Variants in BMPR1B observed in about 807,000 individuals in gnomAD.
BMPR1B encodes bone morphogenetic protein receptor type-1B.
Under a neutral mutation model 59.1 loss-of-function variants are expected in BMPR1B, and 12 were observed. The ratio of observed to expected loss-of-function variants is 0.20; its 90% CI spans 0.13 to 0.33. The LOEUF is 0.33. Ranked by LOEUF, BMPR1B falls within the 10% of genes least tolerant of loss-of-function variation. The pLI is 1.00. For synonymous variants in BMPR1B, 237 were observed against 207.3 expected (o/e 1.14, Z -1.23); for missense variants, 550 against 610.9 (o/e 0.90, Z 1.05).
At chr4:95,135,412 G>C (rs940460361) in intron 10 of BMPR1B, among the ~76,000 whole-genome samples, 46 of 152,234 alleles carry the variant, frequency 3.0e-4, no homozygotes, top group Admixed American at 5.9e-4. Context: ...GTCATTGGTA[G>C]CTTGATGGGG....
At chr4:94,778,062 T>G (rs1289473947) in intron 1 of BMPR1B, among the ~76,000 whole-genome samples, 1 of 152,236 alleles carries the variant, frequency 6.6e-6, no homozygotes, top group South Asian at 2.1e-4. Context: ...ATATATGTTT[T>G]TAAATGAAAT....
At chr4:95,031,600 A>G (rs992207820) in intron 3 of BMPR1B, among the ~76,000 whole-genome samples, 2 of 152,118 alleles carry the variant, frequency 1.3e-5, no homozygotes, top group African/African-American at 2.4e-5. Flanking sequence ...CTGGGACTAC[A>G]GGGACACAAC....
In BMPR1B at chr4:94,964,751, G is replaced by C. The variant is rs538778253; in HGVS notation, c.-112-31289G>C. Among the ~76,000 whole-genome samples the C allele has an allele frequency of 2.3e-4, 35 of 152,262 alleles. 1 individual carries two copies. Among genetic ancestry groups the C allele is most frequent in the Admixed American group, 9.2e-4 (14 of 15,294 alleles). On this transcript the variant is annotated intron_variant, in intron 2 of 12. Transcript: ENST00000515059. ...AACAGGTTAGCAGTGTTTTTCATCA[G>C]GCCCTGCCTGTAGCTGTGGGAAAAC...
intron 3 of BMPR1B, among the ~76,000 whole-genome samples, chr4:95,003,798 C>T (rs1360033064): frequency 9.6e-6 from 1 of 103,658 alleles, no homozygotes; most frequent in East Asian, 3.0e-4. Context: ...GACCAAAGTC[C>T]ATCTTTTTTT....
At chr4:95,108,459 T>C (rs1258976456) in intron 4 of BMPR1B, among the ~76,000 whole-genome samples, 5 of 152,072 alleles carry the variant, frequency 3.3e-5, no homozygotes, top group Admixed American at 3.3e-4. Flanking sequence ...CTGGAGAGAA[T>C]AATCCAAAAG....
At chr4:94,982,778 A>G (rs1721172696) in intron 2 of BMPR1B, among the ~76,000 whole-genome samples, 1 of 151,970 alleles carries the variant, frequency 6.6e-6, no homozygotes, top group South Asian at 2.1e-4. Flanking sequence ...GGATCAGGAG[A>G]TCAAGACCAT....
intron 2 of BMPR1B, among the ~76,000 whole-genome samples, chr4:94,921,022 A>G (rs145413025): frequency 6.6e-6 from 1 of 152,228 alleles, no homozygotes; most frequent in African/African-American, 2.4e-5. Context: ...TTAACCATTA[A>G]ATTGCATGTA....
intron 10 of BMPR1B, among the ~76,000 whole-genome samples, chr4:95,145,447 T>C (rs534263262): frequency 5.9e-5 from 9 of 152,338 alleles, no homozygotes; most frequent in African/African-American, 2.2e-4. Flanking sequence ...TGCCTCCTTC[T>C]TTCTCCTGGA....
chr4:94,766,279 T>C (rs936045286), intron 1 of BMPR1B, among the ~76,000 whole-genome samples: 2 of 152,108 alleles, frequency 1.3e-5, no homozygotes, highest in African/African-American at 4.8e-5. Flanking sequence ...GGGAAAAAAA[T>C]TGATACAAAC....
chr4:95,023,349 A>G (rs570752495), intron 3 of BMPR1B, among the ~76,000 whole-genome samples: 1 of 152,280 alleles, frequency 6.6e-6, no homozygotes, highest in South Asian at 2.1e-4. Flanking sequence ...AGCAGCAATG[A>G]TGGCAAACCT....
chr4:95,140,357 C>T (rs578043158), intron 10 of BMPR1B, among the ~76,000 whole-genome samples: 11 of 152,168 alleles, frequency 7.2e-5, no homozygotes, highest in Admixed American at 3.9e-4. Context: ...ACATTCTGGA[C>T]GAAATCCCCC....
chr4:94,908,157 C>G (rs1433654787), intron 2 of BMPR1B, among the ~76,000 whole-genome samples: 1 of 145,722 alleles, frequency 6.9e-6, no homozygotes, highest in Non-Finnish European at 1.5e-5. Flanking sequence ...GAAATTTGAG[C>G]TGTTGTTGCC....
At chr4:94,827,936 C>T (rs898246668) in intron 1 of BMPR1B, among the ~76,000 whole-genome samples, 1 of 152,136 alleles carries the variant, frequency 6.6e-6, no homozygotes, top group African/African-American at 2.4e-5. Context: ...ACTTGCTTTT[C>T]CTTTTCTCAG....
intron 2 of BMPR1B, among the ~76,000 whole-genome samples, chr4:94,926,094 C>T (rs1560550557): frequency 7.9e-6 from 1 of 125,832 alleles, no homozygotes; most frequent in Non-Finnish European, 1.7e-5. Context: ...CCTTCTCTCC[C>T]TTCCTTTCCT....
intron 1 of BMPR1B, among the ~76,000 whole-genome samples, chr4:94,833,192 C>CAAAAAAAA (rs60473542): frequency 7.5e-6 from 1 of 133,030 alleles, no homozygotes; most frequent in African/African-American, 2.8e-5. Context: ...GACTCTTTCT[C>CAAAAAAAA]AAAAAAAAAA....
At chr4:95,071,266 C>T (rs552407160) in intron 3 of BMPR1B, among the ~76,000 whole-genome samples, 7 of 151,990 alleles carry the variant, frequency 4.6e-5, no homozygotes, top group Non-Finnish European at 8.8e-5. Flanking sequence ...TTTCATTTCT[C>T]AAGGGAGCAA....
chr4:95,064,553 G>A (rs1727655815), intron 3 of BMPR1B, among the ~76,000 whole-genome samples: 1 of 151,986 alleles, frequency 6.6e-6, no homozygotes, highest in Non-Finnish European at 1.5e-5. Context: ...CAAAGACTGA[G>A]GACTGCTGTT....
At chr4:95,138,411 C>G (rs1013434545) in intron 10 of BMPR1B, among the ~76,000 whole-genome samples, 2 of 152,118 alleles carry the variant, frequency 1.3e-5, no homozygotes, top group African/African-American at 4.8e-5. Context: ...TGAGGAGTAT[C>G]TTTGTGGTGT....
intron 3 of BMPR1B, among the ~76,000 whole-genome samples, chr4:95,025,086 C>CA (rs1178643726): frequency 6.6e-6 from 1 of 151,572 alleles, no homozygotes; most frequent in African/African-American, 2.4e-5. Flanking sequence ...GACTCCATCT[C>CA]AAAAAAAGAA....
Sources: gnomAD v4.1 joint callset for allele counts (sites outside exome capture counted in the v4.1 genomes callset) on GRCh38, gnomAD v4.1.1 for gene constraint, MANE v1.5 for transcripts, NCBI Gene and HGNC (gene_info 2026-07-23, HGNC 2026-07-21) for gene names.